UNC13C: variants seen among roughly 807,000 people sequenced by gnomAD.
UNC13C encodes protein unc-13 homolog C.
A neutral mutation model predicts 245.4 loss-of-function variants in UNC13C; 174 were observed. The observed-to-expected ratio is 0.71, with a 90% confidence interval of 0.63 to 0.80. The LOEUF (loss-of-function observed/expected upper bound fraction) is 0.80, where lower values mean the gene tolerates loss of function less well. Among genes scored for constraint, UNC13C ranks in the 30% least tolerant of loss-of-function variants. The probability of loss-of-function intolerance (pLI) is 0.00; values close to 1 mark genes in which losing one functional copy is unlikely to be tolerated. For synonymous variants in UNC13C, 992 were observed against 895.1 expected, an observed-to-expected ratio of 1.11 and a Z score of -1.93; for missense variants, 2,829 against 2,602.9, an observed-to-expected ratio of 1.09 and a Z score of -1.89.
chr15:54,237,726 A>ATATTGCTCATAATATCTAACTAGT (rs1567125045), intron 7 of UNC13C, 36 bp downstream of exon 7: 1 of 1,485,858 alleles, frequency 6.7e-7, no homozygotes. Context: ...ATCTAACTAG[A>ATATTGCTCATAATATCTAACTAGT]TATTGCTCAT....
intron 32 of UNC13C, 105 bp from the exon 33 acceptor site, chr15:54,626,723 A>C (rs1221721543): frequency 9.7e-7 from 1 of 1,035,812 alleles, no homozygotes; most frequent in Admixed American, 2.8e-5. Context: ...TGCCAACATA[A>C]TAATCAGATC....
intron 4 of UNC13C, among the ~76,000 whole-genome samples, chr15:54,187,537 G>A (rs773434055): frequency 9.2e-5 from 14 of 152,114 alleles, no homozygotes; most frequent in Non-Finnish European, 1.5e-4. Flanking sequence ...CTGGCCCATT[G>A]TCTCTGATAC....
At chr15:53,859,460 T>TG in the UNC13C span, among the ~76,000 whole-genome samples, 2 of 152,144 alleles carry the variant, frequency 1.3e-5, no homozygotes, top group Non-Finnish European at 2.9e-5. Context: ...TTATTCCCAC[T>TG]GAAAACATTA....
In UNC13C at chr15:54,265,406, C is replaced by G. The variant is rs1259128758; in HGVS notation, c.3728C>G (p.Pro1243Arg). Residue 1243 changes from proline to arginine, a missense_variant, in exon 10 of 33, where the codon CCA becomes CGA. By Grantham distance (103) the Pro-to-Arg change is moderately radical (BLOSUM62 -2). Transcript: ENST00000260323. The part of the protein sequence containing the change: ...QAKDKTGSSD[P>R]YVTVQVGKNK... ...AAAGATAAAACAGGGTCTAGTGATC[C>G]ATATGTTACAGTTCAAGTTGGAAAG... 1 of 1,587,786 alleles carries G rather than the reference C, an allele frequency of 6.3e-7. No individual in the cohort carries two copies.
chr15:54,176,289 C>G (rs931535833), intron 4 of UNC13C, among the ~76,000 whole-genome samples: 10 of 152,128 alleles, frequency 6.6e-5, no homozygotes, highest in African/African-American at 2.4e-4. Context: ...ATATTGTGGA[C>G]CAGTGGCTTC....
Position 54,083,107 on chromosome 15 carries a change from C to T in UNC13C, c.2984-59911C>T, listed in dbSNP as rs1367525011. 2.0e-5 allele frequency among the ~76,000 whole-genome samples: 3 copies of T among 152,266 alleles called. No individual in the cohort carries two copies. The East Asian group carries it at 5.8e-4, about 29-fold the overall frequency. On this transcript the variant is annotated intron_variant, in intron 2 of 32. Transcript: ENST00000260323. ...CTCAGCTCAGGGGGAAGTGCCCACC[C>T]TGATGGGGAGAGACTGTGTTGGGGT...
rs747987869 is a variant in UNC13C, at chr15:54,250,257, A to G, written c.3261A>G (p.Ala1087=). The G allele has an allele frequency of 6.2e-7, 1 of 1,614,002 alleles. No individual in the cohort carries two copies. The highest frequency in any genetic ancestry group is 8.5e-7 in the Non-Finnish European group (1 of 1,179,894). ...ACGTCTTCAAGAAGACCTTGCAGGC[A>G]CTGATCTACCCTATGTCTTCTACCA... is the stretch of plus-strand genomic sequence containing the variant. ...KMHVFKKTLQ[A]LIYPMSSTIP... Residue 1087 remains alanine (A), a synonymous_variant, in exon 8 of 33, where the codon GCA becomes GCG. Coordinates refer to ENST00000260323, the MANE Select transcript of UNC13C (RefSeq NM_001080534.3).
At chr15:54,111,570 C>T (rs976866646) in intron 2 of UNC13C, among the ~76,000 whole-genome samples, 2 of 152,148 alleles carry the variant, frequency 1.3e-5, no homozygotes, top group African/African-American at 2.4e-5. Context: ...GTTTGAAAAT[C>T]GATGGGCAAT....
Position 54,058,164 on chromosome 15 carries a change from A to C in UNC13C, c.2983+42278A>C, listed in dbSNP as rs143650266. Among the ~76,000 whole-genome samples, 982 of 152,284 alleles carry C rather than the reference A, an allele frequency of 6.4e-3. 17 individuals carry two copies. The highest frequency in any genetic ancestry group is 6.9e-3 in the Non-Finnish European group (470 of 68,020). ...CAAAAAACCCTTCAAAAAATCAATG[A>C]ATCCAGGAGCTGTTTTTTTGAAAAG... On this transcript the variant is annotated intron_variant, in intron 2 of 32. Coordinates refer to ENST00000260323, the MANE Select transcript of UNC13C (RefSeq NM_001080534.3).
chr15:54,114,884 T>A (rs1196953782), intron 2 of UNC13C, among the ~76,000 whole-genome samples: 1 of 152,120 alleles, frequency 6.6e-6, no homozygotes, highest in Non-Finnish European at 1.5e-5. Context: ...GGCTGTGAAA[T>A]AATATATCAC....
chr15:54,471,773 G>A (rs1264982156), intron 19 of UNC13C, among the ~76,000 whole-genome samples: 4 of 151,634 alleles, frequency 2.6e-5, no homozygotes, highest in Middle Eastern at 3.4e-3. Context: ...TCTGTTTGAT[G>A]TAGTTCAAAT....
At chr15:54,249,740 A>G (rs1389490452) in intron 7 of UNC13C, among the ~76,000 whole-genome samples, 1 of 152,208 alleles carries the variant, frequency 6.6e-6, no homozygotes, top group Admixed American at 6.5e-5. Flanking sequence ...CTTATGAATT[A>G]GGTGATAAGA....
intron 18 of UNC13C, among the ~76,000 whole-genome samples, chr15:54,406,878 G>A (rs543913937): frequency 3.3e-5 from 5 of 152,098 alleles, no homozygotes; most frequent in Non-Finnish European, 7.3e-5. Context: ...AGAGAGAGAG[G>A]TTATTATCTC....
At chr15:53,958,393 G>A in the UNC13C span, among the ~76,000 whole-genome samples, 1 of 151,676 alleles carries the variant, frequency 6.6e-6, no homozygotes, top group East Asian at 1.9e-4. Context: ...AAAGTGAAAT[G>A]AACACCTGGG....
chr15:54,045,512 G>A (rs551169726), intron 2 of UNC13C, among the ~76,000 whole-genome samples: 2 of 152,200 alleles, frequency 1.3e-5, no homozygotes, highest in African/African-American at 2.4e-5. Context: ...CTTAACTGGA[G>A]GTGGAATTAT....
intron 8 of UNC13C, among the ~76,000 whole-genome samples, chr15:54,258,163 CA>C (rs35716621): frequency 6.6e-6 from 1 of 150,384 alleles, no homozygotes; most frequent in Non-Finnish European, 1.5e-5. Context: ...TTATGGATGT[CA>C]AAAAAATAAA....
intron 30 of UNC13C, among the ~76,000 whole-genome samples, chr15:54,619,153 G>A (rs1391720953): frequency 6.6e-6 from 1 of 152,072 alleles, no homozygotes; most frequent in African/African-American, 2.4e-5. Flanking sequence ...AGCTTTTTAT[G>A]TCATCACCTA....
chr15:54,120,896 A>G (rs145314709), intron 2 of UNC13C, among the ~76,000 whole-genome samples: 4 of 152,248 alleles, frequency 2.6e-5, no homozygotes, highest in African/African-American at 9.6e-5. Flanking sequence ...ATTCCTGCAA[A>G]CTCATGATTA....
intron 4 of UNC13C, among the ~76,000 whole-genome samples, chr15:54,231,306 T>C (rs1257313767): frequency 6.6e-6 from 1 of 152,098 alleles, no homozygotes; most frequent in South Asian, 2.1e-4. Context: ...GAAATCAATC[T>C]CTGCAATATA....
Sources: gnomAD v4.1 joint callset for allele counts (sites outside exome capture counted in the v4.1 genomes callset) on GRCh38, gnomAD v4.1.1 for gene constraint, MANE v1.5 for transcripts, NCBI Gene and HGNC (gene_info 2026-07-23, HGNC 2026-07-21) for gene names.